Variants in TUSC3 observed in about 807,000 individuals in gnomAD.
TUSC3 encodes the protein dolichyl-diphosphooligosaccharide--protein glycosyltransferase subunit TUSC3.
Under a neutral mutation model 44.8 loss-of-function variants are expected in TUSC3, and 45 were observed. The observed-to-expected ratio is 1.00, with a 90% CI of 0.79 to 1.29. The LOEUF is 1.29. TUSC3 is among the 50% of genes most tolerant of loss of function. TUSC3 has a pLI of 0.00. For missense variants in TUSC3, 519 were observed against 437.9 expected, an observed-to-expected ratio of 1.19 and a Z score of -1.65; for synonymous variants, 212 against 152.9, an observed-to-expected ratio of 1.39 and a Z score of -2.85.
upstream of TUSC3, among the ~76,000 whole-genome samples, chr8:15,538,821 C>G (rs1304006817): frequency 6.6e-6 from 1 of 151,350 alleles, no homozygotes; most frequent in Non-Finnish European, 1.5e-5. Context: ...GTATATATTC[C>G]TTAAGTATTA....
intron 9 of TUSC3, among the ~76,000 whole-genome samples, chr8:15,757,130 C>G (rs1811958811): frequency 6.6e-6 from 1 of 152,126 alleles, no homozygotes. Context: ...GACTGAGAAT[C>G]TGTCTCTAAA....
chr8:15,452,152 T>G (rs1800203120), intron 1 of TUSC3, among the ~76,000 whole-genome samples: 1 of 152,172 alleles, frequency 6.6e-6, no homozygotes, highest in Admixed American at 6.5e-5. Flanking sequence ...TTATTGAGTG[T>G]TATGTGTGAG....
In TUSC3 at chr8:15,743,468, G is replaced by C. The variant is rs996924680; in HGVS notation, c.863-70G>C. On this transcript the variant is annotated intron_variant, in intron 7 of 10. Coordinates refer to ENST00000503731, the MANE Select transcript of TUSC3 (RefSeq NM_006765.4). Reference sequence around the variant, plus strand: ...TAGTTTAACCATTCTGGAACATTGTGTTCAGAGCCAGAAAAATTAATAGAT... The same window carrying C: ...TAGTTTAACCATTCTGGAACATTGTCTTCAGAGCCAGAAAAATTAATAGAT... The C allele has an allele frequency of 3.3e-6, 5 of 1,499,008 alleles. No individual in the cohort carries two copies. In the East Asian group the frequency reaches 1.1e-4, roughly 34 times the overall value. 92.9% of individuals were successfully genotyped at this position (1,499,008 alleles called of 1,614,324 possible).
At chr8:15,468,764 T>C (rs1431905066) in intron 1 of TUSC3, among the ~76,000 whole-genome samples, 1 of 152,152 alleles carries the variant, frequency 6.6e-6, no homozygotes, top group Non-Finnish European at 1.5e-5. Flanking sequence ...TTAGAAGTGA[T>C]GCTTTCAGGA....
chr8:15,540,289 C>A lies in TUSC3; in HGVS notation c.-142C>A. On this transcript the variant is annotated 5_prime_UTR_variant, in exon 1 of 11. Coordinates refer to ENST00000503731, the MANE Select transcript of TUSC3 (RefSeq NM_006765.4). ...GTCTCCTCCTCTGCGTCCTCGGCCG[C>A]GGCCCGGGTCCCTCGCAAAGCCGCT... is the stretch of plus-strand genomic sequence containing the variant. The A allele has an allele frequency of 2.5e-6, 3 of 1,204,636 alleles. No homozygotes were observed. The highest frequency in any genetic ancestry group is 3.2e-6 in the Non-Finnish European group (3 of 927,754). 74.6% of individuals were successfully genotyped at this position (1,204,636 alleles called of 1,614,324 possible).
chr8:15,768,105 T>G (rs1006393583), downstream of TUSC3, among the ~76,000 whole-genome samples: 1 of 152,082 alleles, frequency 6.6e-6, no homozygotes. Context: ...GTTGAAAGAG[T>G]TCCCCAATAG....
At chr8:15,434,504 T>C (rs1389054982) in intron 1 of TUSC3, among the ~76,000 whole-genome samples, 1 of 150,938 alleles carries the variant, frequency 6.6e-6, no homozygotes, top group Non-Finnish European at 1.5e-5. Flanking sequence ...TGAAATATTC[T>C]ATGTGCTCAA....
the TUSC3 span, chr8:15,806,912 A>C: frequency 7.2e-7 from 1 of 1,397,044 alleles, no homozygotes; most frequent in African/African-American, 1.4e-5. Flanking sequence ...CTGTTGACCC[A>C]CTTCTATCTG....
chr8:15,625,668 A>C (rs923696906), intron 2 of TUSC3, among the ~76,000 whole-genome samples: 17 of 152,222 alleles, frequency 1.1e-4, no homozygotes, highest in African/African-American at 3.4e-4. Flanking sequence ...TTTGAGCTGT[A>C]GTGGAGACTG....
At chr8:15,584,285 G>A (rs1169472944) in intron 1 of TUSC3, among the ~76,000 whole-genome samples, 1 of 152,188 alleles carries the variant, frequency 6.6e-6, no homozygotes, top group Non-Finnish European at 1.5e-5. Flanking sequence ...GGGTGATCCA[G>A]AAGGATAGGG....
chr8:15,550,437 G>C (rs935049260), intron 1 of TUSC3, among the ~76,000 whole-genome samples: 1 of 151,592 alleles, frequency 6.6e-6, no homozygotes, highest in African/African-American at 2.4e-5. Flanking sequence ...GAATGTTAGA[G>C]CAGGAAAGTC....
chr8:15,848,079 T>A, the TUSC3 span, among the ~76,000 whole-genome samples: 1 of 152,182 alleles, frequency 6.6e-6, no homozygotes, highest in African/African-American at 2.4e-5. Flanking sequence ...GGATGCATCC[T>A]CTTCCTTCCC....
chr8:15,593,361 C>T (rs1400781245), intron 1 of TUSC3, among the ~76,000 whole-genome samples: 2 of 152,146 alleles, frequency 1.3e-5, no homozygotes, highest in African/African-American at 2.4e-5. Context: ...GCTGGGATTA[C>T]AGGCCTGAGC....
chr8:15,555,377 G>A (rs1419325665), intron 1 of TUSC3, among the ~76,000 whole-genome samples: 1 of 139,546 alleles, frequency 7.2e-6, no homozygotes, highest in Non-Finnish European at 1.5e-5. Flanking sequence ...GTTCACTGTG[G>A]CCTTGACCTC....
At chr8:15,609,613 C>T (rs760525682) in intron 1 of TUSC3, among the ~76,000 whole-genome samples, 3 of 151,872 alleles carry the variant, frequency 2.0e-5, no homozygotes, top group African/African-American at 7.3e-5. Flanking sequence ...TGATGACTGT[C>T]CCTGATTAAA....
At chr8:15,450,001 T>A (rs1349562891) in intron 1 of TUSC3, among the ~76,000 whole-genome samples, 1 of 152,190 alleles carries the variant, frequency 6.6e-6, no homozygotes, top group Non-Finnish European at 1.5e-5. Flanking sequence ...CAGGAGGCTA[T>A]CCCTCTAGGT....
At chr8:15,793,542 C>T in the TUSC3 span, among the ~76,000 whole-genome samples, 1 of 152,140 alleles carries the variant, frequency 6.6e-6, no homozygotes, top group Non-Finnish European at 1.5e-5. Flanking sequence ...GTAAAATCCC[C>T]ACTGTTATTC....
chr8:15,522,786 C>G (rs1419042678), intron 2 of TUSC3, among the ~76,000 whole-genome samples: 1 of 152,070 alleles, frequency 6.6e-6, no homozygotes, highest in African/African-American at 2.4e-5. Flanking sequence ...AAAGGAAGCT[C>G]CTTTTCTCTA....
chr8:15,437,981 A>G (rs979050188), intron 1 of TUSC3, among the ~76,000 whole-genome samples: 2 of 152,222 alleles, frequency 1.3e-5, no homozygotes, highest in Non-Finnish European at 2.9e-5. Context: ...CTGTACAGAC[A>G]TTTGTTATAA....
Sources: allele counts gnomAD v4.1 joint callset (sites outside exome capture counted in the v4.1 genomes callset), GRCh38; gene constraint gnomAD v4.1.1; transcripts MANE v1.5; gene names NCBI Gene and HGNC (gene_info 2026-07-23, HGNC 2026-07-21).